SYNE2: variants seen among roughly 807,000 people sequenced by gnomAD.
The protein encoded by SYNE2 is spectrin repeat containing nuclear envelope protein 2.
A neutral mutation model predicts 856.3 loss-of-function variants in SYNE2; 431 were observed. That is an observed-to-expected ratio of 0.50 (90% CI 0.47 to 0.55). The LOEUF (loss-of-function observed/expected upper bound fraction) is 0.55, where lower values mean the gene tolerates loss of function less well. SYNE2 is among the 20% of genes least tolerant of loss of function. The pLI is 0.00. For missense variants in SYNE2, 8,129 were observed against 8,023.2 expected, an observed-to-expected ratio of 1.01 and a Z score of -0.50; for synonymous variants, 2,923 against 2,872.3, an observed-to-expected ratio of 1.02 and a Z score of -0.56.
intron 100 of SYNE2, chr14:64,208,152 C>T (rs773654613): frequency 4.4e-6 from 2 of 455,968 alleles, no homozygotes; most frequent in African/African-American, 2.0e-5. Flanking sequence ...CTCTCCAAGC[C>T]ACCACAGCTT....
intron 104 of SYNE2, 26 bp downstream of exon 104, chr14:64,212,124 T>G (rs199652652): frequency 6.2e-7 from 1 of 1,613,508 alleles, no homozygotes; most frequent in East Asian, 2.2e-5. Flanking sequence ...TCCCTAGCTC[T>G]TCTCAAAAGA....
rs779600209 is a variant in SYNE2, at chr14:64,029,970, A to C, written c.6790A>C (p.Thr2264Pro). The C allele has an allele frequency of 6.2e-6, 10 of 1,614,156 alleles. No homozygotes were observed. Among genetic ancestry groups the C allele is most frequent in the Non-Finnish European group, 8.5e-6 (10 of 1,179,978 alleles). The change falls in exon 44 of 116, where the codon ACA (threonine) becomes CCA (proline). Residue 2264 changes from threonine (T) to proline (P), a missense_variant. Physicochemically the swap from Thr to Pro is conservative, Grantham distance 38. Transcript: ENST00000555002. ...GGTTTGCGTCACAGACCTGAATACT[A>C]CATTGGACAATTTCTCCAAGGAATT... ...YQVCVTDLNT[T>P]LDNFSKEFVS...
At chr14:63,844,870 C>T (rs921607830) in intron 1 of SYNE2, among the ~76,000 whole-genome samples, 3 of 152,004 alleles carry the variant, frequency 2.0e-5, no homozygotes, top group African/African-American at 7.3e-5. Context: ...CATAGCAAGA[C>T]CCTGTCTCTA....
intron 6 of SYNE2, among the ~76,000 whole-genome samples, chr14:63,949,432 A>G (rs1046740753): frequency 1.3e-5 from 2 of 151,966 alleles, no homozygotes; most frequent in African/African-American, 4.8e-5. Context: ...CTATGTGTAC[A>G]TTTGTTCATA....
chr14:63,998,183 A>G, intron 25 of SYNE2, 36 bp from the exon 26 acceptor site: 1 of 1,382,752 alleles, frequency 7.2e-7, no homozygotes, highest in Non-Finnish European at 1.0e-6. Context: ...AAGTATGTTT[A>G]AGATATTTCG....
Position 64,120,950 on chromosome 14 carries a change from C to G in SYNE2, c.13047C>G (p.Ser4349=). The change falls in exon 68 of 116, where the codon TCC becomes TCG. Residue 4349 remains serine (S), a synonymous_variant. Coordinates refer to ENST00000555002, the MANE Select transcript of SYNE2 (RefSeq NM_182914.3). ...EDQHPTILKK[S]SEPEHQEALQ... ...AGCATCCTACCATTCTAAAGAAATC[C>G]TCAGAGCCAGAGCATCAAGAAGCTC... 1 of 1,613,988 alleles carries G rather than the reference C, an allele frequency of 6.2e-7. No homozygotes were observed. Among genetic ancestry groups the G allele is most frequent in the South Asian group, 1.1e-5 (1 of 91,058 alleles).
chr14:64,017,284 G>A lies in SYNE2; in HGVS notation c.4888-311G>A, dbSNP rs1284778499. 4.0e-5 allele frequency among the ~76,000 whole-genome samples: 5 copies of A among 125,222 alleles called. No individual in the cohort carries two copies. The South Asian group carries it at 9.9e-4, about 25-fold the overall frequency. 82.2% of individuals were successfully genotyped at this position (125,222 alleles called of 152,430 possible). On this transcript the variant is annotated intron_variant, in intron 33 of 115. Transcript: ENST00000555002. ...GCGGAGCTTGCAGTGAGCCGAGTTCGCACCACTGCACTCCAGCCTGGGCGA... is the reference window on the plus strand; with the variant it reads ...GCGGAGCTTGCAGTGAGCCGAGTTCACACCACTGCACTCCAGCCTGGGCGA...
rs757806471 is a variant in SYNE2 at position 64,137,814 on chromosome 14, C to T, written c.14674C>T (p.His4892Tyr). Residue 4892 changes from histidine (H) to tyrosine (Y), a missense_variant, in exon 79 of 116, where the codon CAC becomes TAC. By Grantham distance (83) the His-to-Tyr change is moderately conservative. Coordinates refer to ENST00000555002, the MANE Select transcript of SYNE2 (RefSeq NM_182914.3). ...QQIKRNIGGKHARLYQTLNEG... is the reference protein window; with the variant it reads ...QQIKRNIGGKYARLYQTLNEG... ...AATAAAAAGAAACATTGGTGGAAAA[C>T]ACGCCCGGCTTTACCAAACTCTGAA... 1.2e-6 allele frequency: 2 copies of T among 1,614,106 alleles called. No homozygotes were observed. Among genetic ancestry groups the T allele is most frequent in the Non-Finnish European group, 1.7e-6 (2 of 1,180,010 alleles).
chr14:64,099,005 G>T (rs932819327), intron 63 of SYNE2, 184 bp downstream of exon 63: 5 of 624,714 alleles, frequency 8.0e-6, no homozygotes, highest in Non-Finnish European at 1.1e-5. Flanking sequence ...CTACTTCACT[G>T]TGTAAGAGTG....
At chr14:64,144,372 A>G (rs2098164349) in intron 83 of SYNE2, among the ~76,000 whole-genome samples, 3 of 152,226 alleles carry the variant, frequency 2.0e-5, no homozygotes. Flanking sequence ...TCTTGAAAAG[A>G]TTCGGAAAAC....
Position 64,049,879 on chromosome 14 carries a change from A to G in SYNE2, c.7643+3A>G. ...ACAGACAAGGAAAGTCTTAAAGTGT[A>G]AGTGTAAGAATTTAGGACTTGCATT... On this transcript the variant is annotated splice_donor_region_variant and intron_variant, in intron 47 of 115. Transcript: ENST00000555002. The G allele has an allele frequency of 6.2e-7, 1 of 1,613,674 alleles. No individual in the cohort carries two copies. The highest frequency in any genetic ancestry group is 2.2e-5 in the East Asian group (1 of 44,850).
intron 1 of SYNE2, among the ~76,000 whole-genome samples, chr14:63,793,762 C>CA (rs1000422486): frequency 1.4e-5 from 1 of 70,062 alleles, no homozygotes; most frequent in Admixed American, 1.1e-4. Flanking sequence ...CAAAATGAGG[C>CA]CCCCCCCCAA....
chr14:63,852,401 T>C (rs568674613), upstream of SYNE2, among the ~76,000 whole-genome samples: 1 of 152,216 alleles, frequency 6.6e-6, no homozygotes, highest in African/African-American at 2.4e-5. Flanking sequence ...GGATGATGTA[T>C]GTCAGGTCGG....
intron 38 of SYNE2, 26 bp downstream of exon 38, chr14:64,022,889 T>A: frequency 7.6e-7 from 1 of 1,311,084 alleles, no homozygotes; most frequent in Non-Finnish European, 1.1e-6. Context: ...GTATTTTTAA[T>A]AAAAATTTTC....
At chr14:63,902,227 A>G (rs891771658) in intron 1 of SYNE2, among the ~76,000 whole-genome samples, 4 of 151,952 alleles carry the variant, frequency 2.6e-5, no homozygotes, top group Admixed American at 1.3e-4. Context: ...CCTGGCCAAC[A>G]TGGCAAAACT....
intron 56 of SYNE2, among the ~76,000 whole-genome samples, chr14:64,081,186 G>T (rs945999112): frequency 6.6e-6 from 1 of 152,156 alleles, no homozygotes; most frequent in African/African-American, 2.4e-5. Flanking sequence ...TACTTGCAAG[G>T]CTAACCCAGA....
intron 51 of SYNE2, among the ~76,000 whole-genome samples, chr14:64,066,360 T>C (rs1427008432): frequency 6.6e-6 from 1 of 152,030 alleles, no homozygotes; most frequent in African/African-American, 2.4e-5. Context: ...AATCTGGGCA[T>C]GGTGGCACAT....
intron 99 of SYNE2, chr14:64,190,508 G>T: frequency 1.5e-6 from 1 of 660,702 alleles, no homozygotes; most frequent in South Asian, 1.7e-5. Flanking sequence ...TTTGGAAAGG[G>T]ATCCTTGGGA....
At chr14:64,114,225 T>C (rs558641119) in intron 66 of SYNE2, among the ~76,000 whole-genome samples, 19 of 152,250 alleles carry the variant, frequency 1.2e-4, no homozygotes, top group African/African-American at 4.6e-4. Flanking sequence ...GCTTGCCGGC[T>C]CAGCCCGAAG....
Sources: gnomAD v4.1 joint callset for allele counts (sites outside exome capture counted in the v4.1 genomes callset) on GRCh38, gnomAD v4.1.1 for gene constraint, MANE v1.5 for transcripts, NCBI Gene and HGNC (gene_info 2026-07-23, HGNC 2026-07-21) for gene names.